TPSG1: variants seen among roughly 807,000 people sequenced by gnomAD.
TPSG1 encodes tryptase gamma.
TPSG1 carries 43 observed loss-of-function variants against 23.8 expected under a neutral mutation model. The ratio of observed to expected loss-of-function variants is 1.81; its 90% CI spans 1.42 to 2.33. TPSG1 has a LOEUF of 2.33. TPSG1 is among the 30% of genes most tolerant of loss of function. The probability of loss-of-function intolerance (pLI) is 0.00; values close to 1 mark genes in which losing one functional copy is unlikely to be tolerated. For synonymous variants in TPSG1, 302 were observed against 201.3 expected, an observed-to-expected ratio of 1.50 and a Z score of -4.23; for missense variants, 623 against 438.6, an observed-to-expected ratio of 1.42 and a Z score of -3.75.
At position 1,221,935 on chromosome 16, in the gene TPSG1, C is replaced by G; in HGVS notation, c.819G>C (p.Gly273=). 1.2e-6 allele frequency: 2 copies of G among 1,611,878 alleles called. No homozygotes were observed. Among genetic ancestry groups the G allele is most frequent in the Non-Finnish European group, 1.7e-6 (2 of 1,179,348 alleles). ...GCCTGGGGTACCCAGACTCTGAGCC[C>G]CCTGATGCTGTGATGTGGCGGCGGA... ...NWIRRHITAS[G]GSESGYPRLP... The change falls in exon 6 of 6, where the codon GGG becomes GGC. Residue 273 remains glycine, a synonymous_variant. Coordinates refer to ENST00000234798, the MANE Select transcript of TPSG1 (RefSeq NM_012467.4).
chr16:1,221,815 A>G lies in TPSG1; in HGVS notation c.939T>C (p.Asp313=), dbSNP rs1970500896. ...AGTCAGGGGCGGGGAAGGGAGTACCATCCGCAGATGGGTGCAGCAGGCACT... is the reference window on the plus strand; with the variant it reads ...AGTCAGGGGCGGGGAAGGGAGTACCGTCCGCAGATGGGTGCAGCAGGCACT... ...LAKCLLHPSA[D]GTPFPAPD is the part of the protein sequence containing the mutation. The change falls in exon 6 of 6, where the codon GAT becomes GAC. Residue 313 remains aspartate, a synonymous_variant. Transcript: ENST00000234798. The G allele has an allele frequency of 1.2e-6, 2 of 1,609,418 alleles. No individual in the cohort carries two copies. Among genetic ancestry groups the G allele is most frequent in the African/African-American group, 1.3e-5 (1 of 75,014 alleles).
intron 2 of TPSG1, among the ~76,000 whole-genome samples, chr16:1,224,294 G>T (rs564345643): frequency 6.6e-6 from 1 of 152,214 alleles, no homozygotes; most frequent in Non-Finnish European, 1.5e-5. Flanking sequence ...ACACGGCAAA[G>T]CCCCCAGCTG....
At chr16:1,223,619 C>T in intron 2 of TPSG1, 25 bp from the exon 3 acceptor site, 2 of 1,528,104 alleles carry the variant, frequency 1.3e-6, no homozygotes, top group Admixed American at 2.2e-5. Flanking sequence ...GAAGGGGTGC[C>T]TGGTGGGGAT....
At chr16:1,223,270 T>TG (rs2029928223) in intron 3 of TPSG1, among the ~76,000 whole-genome samples, 153 bp downstream of exon 3, 1 of 152,208 alleles carries the variant, frequency 6.6e-6, no homozygotes, top group South Asian at 2.1e-4. Context: ...TCACAGAAGG[T>TG]GGGCAACCAG....
Position 1,223,463 on chromosome 16 carries a change from T to C in TPSG1, c.205A>G (p.Ser69Gly), listed in dbSNP as rs1420418565. The change falls in exon 3 of 6, where the codon AGC (serine) becomes GGC (glycine). Residue 69 changes from serine (S) to glycine (G), a missense_variant. Physicochemically the swap from Ser to Gly is moderately conservative, Grantham distance 56. Transcript: ENST00000234798. Reference protein sequence around the residue: ...RVHVCGGSLLSPQWVLTAAHC... With the variant: ...RVHVCGGSLLGPQWVLTAAHC... ...GCAGCTGTGAGCACCCACTGGGGGC[T>C]GAGCAGTGACCCGCCGCACACGTGC... 4.4e-6 allele frequency: 7 copies of C among 1,588,616 alleles called. No homozygotes were observed. The Admixed American group carries it at 1.1e-4, about 24-fold the overall frequency.
At chr16:1,225,135 T>G (rs9938123) in intron 1 of TPSG1, 72 bp downstream of exon 1, 1 of 1,526,836 alleles carries the variant, frequency 6.5e-7, no homozygotes, top group East Asian at 2.5e-5. Flanking sequence ...CAGCCCCCAG[T>G]TTCACCCCCA....
intron 4 of TPSG1, 89 bp downstream of exon 4, chr16:1,222,563 C>G (rs1970547625): frequency 1.3e-6 from 2 of 1,489,518 alleles, no homozygotes; most frequent in Non-Finnish European, 9.0e-7. Context: ...CCACCAGGAG[C>G]AGGTGGTAGC....
At chr16:1,224,571 C>CCCCCACA (rs111477320) in intron 2 of TPSG1, 31 bp downstream of exon 2, 11 of 1,613,302 alleles carry the variant, frequency 6.8e-6, no homozygotes, top group Middle Eastern at 1.6e-4. Flanking sequence ...CCTGCACCCT[C>CCCCCACA]CCCCACACCC....
chr16:1,224,951 G>T (rs1470454715), intron 1 of TPSG1, among the ~76,000 whole-genome samples: 1 of 134,828 alleles, frequency 7.4e-6, no homozygotes, highest in African/African-American at 2.7e-5. Context: ...ACTCCCACCC[G>T]CACCCCCAAC....
chr16:1,223,048 G>A, intron 3 of TPSG1, 131 bp from the exon 4 acceptor site: 1 of 1,225,886 alleles, frequency 8.2e-7, no homozygotes, highest in African/African-American at 1.5e-5. Flanking sequence ...GACGCAGAAA[G>A]CCTGGGCAGT....
intron 4 of TPSG1, 26 bp from the exon 5 acceptor site, chr16:1,222,367 A>G (rs1273287599): frequency 6.4e-7 from 1 of 1,559,300 alleles, no homozygotes; most frequent in East Asian, 2.3e-5. Context: ...CAGGCTTCAG[A>G]GAAGGTTGGG....
In TPSG1 at chr16:1,222,061, G is replaced by A. The variant is rs760381250; in HGVS notation, c.693C>T (p.Asn231=). The A allele has an allele frequency of 3.3e-5, 54 of 1,612,654 alleles. No individual in the cohort carries two copies. The highest frequency in any genetic ancestry group is 1.1e-4 in the East Asian group (5 of 44,880). The change falls in exon 6 of 6, where the codon AAC becomes AAT. Residue 231 remains asparagine (N), a synonymous_variant. Transcript: ENST00000234798. ...DSGGPLVCQV[N]GAWVQAGTVS... ...CAGTGCCAGCCTGCACCCAGGCACC[G>A]TTCACCTGGCAGACCAGAGGCCCCC...
At chr16:1,224,042 C>T (rs1410839266) in intron 2 of TPSG1, 5 of 210,106 alleles carry the variant, frequency 2.4e-5, no homozygotes, top group South Asian at 2.1e-4. Flanking sequence ...TGCTCGGGGC[C>T]TCTGAATTGG....
intron 1 of TPSG1, 39 bp downstream of exon 1, chr16:1,225,168 G>C: frequency 6.4e-7 from 1 of 1,553,938 alleles, no homozygotes. Context: ...GCAGGAAGCA[G>C]ATGCCCCCCC....
intron 3 of TPSG1, 107 bp from the exon 4 acceptor site, chr16:1,223,024 C>T (rs943053770): frequency 8.1e-6 from 11 of 1,354,058 alleles, no homozygotes; most frequent in Admixed American, 2.6e-5. Flanking sequence ...CCAGCTCTTC[C>T]CTCCTAGGCT....
rs903537853 is a variant in TPSG1 at position 1,223,689 on chromosome 16, C to T, written c.74-95G>A. 24 of 1,410,564 alleles carry T rather than the reference C, an allele frequency of 1.7e-5. No individual in the cohort carries two copies. The South Asian group carries it at 2.1e-4, about 12-fold the overall frequency. 87.4% of individuals were successfully genotyped at this position (1,410,564 alleles called of 1,614,324 possible). ...TTCCCTGACCACACCTCCCTGCCTT[C>T]TTGGGGACTTTGCTCTTCAGCTCTC... On this transcript the variant is annotated intron_variant, in intron 2 of 5. Coordinates refer to ENST00000234798, the MANE Select transcript of TPSG1 (RefSeq NM_012467.4).
chr16:1,221,907 G>C lies in TPSG1; in HGVS notation c.847C>G (p.Pro283Ala). Reference protein sequence around the residue: ...GGSESGYPRLPLLAGFFLPGL... With the variant: ...GGSESGYPRLALLAGFFLPGL... The stretch of plus-strand genomic sequence containing the variant: ...GGGAGGAAGAAGCCAGCCAGGAGGG[G>C]GAGCCTGGGGTACCCAGACTCTGAG... The change falls in exon 6 of 6, where the codon CCC becomes GCC. Residue 283 changes from proline (P) to alanine (A), a missense_variant. Transcript: ENST00000234798. 6.2e-7 allele frequency: 1 copy of C among 1,611,470 alleles called. No homozygotes were observed. Among genetic ancestry groups the C allele is most frequent in the Non-Finnish European group, 8.5e-7 (1 of 1,179,174 alleles).
At chr16:1,223,044 G>A in intron 3 of TPSG1, 127 bp from the exon 4 acceptor site, 2 of 1,243,000 alleles carry the variant, frequency 1.6e-6, no homozygotes, top group Non-Finnish European at 2.2e-6. Flanking sequence ...TTGGGACGCA[G>A]AAAGCCTGGG....
chr16:1,223,839 T>G (rs1350232470), intron 2 of TPSG1: 5 of 523,280 alleles, frequency 9.6e-6, no homozygotes, highest in East Asian at 3.6e-5. Context: ...TAACCAGGGC[T>G]CCCGGAGGCG....
Sources: gnomAD v4.1 joint callset for allele counts (sites outside exome capture counted in the v4.1 genomes callset) on GRCh38, gnomAD v4.1.1 for gene constraint, MANE v1.5 for transcripts, NCBI Gene and HGNC (gene_info 2026-07-23, HGNC 2026-07-21) for gene names.